The following MYCBP2 variants were observed in gnomAD, a reference collection of about 807,000 sequenced individuals.
The protein encoded by MYCBP2 is E3 ubiquitin-protein ligase MYCBP2.
MYCBP2 carries 120 observed loss-of-function variants against 525.3 expected under a neutral mutation model. That is an observed-to-expected ratio of 0.23 (90% CI 0.20 to 0.27). The LOEUF is 0.27. Among genes scored for constraint, MYCBP2 ranks in the 10% least tolerant of loss-of-function variants. The pLI, the probability that MYCBP2 is intolerant of heterozygous loss-of-function variation, is 1.00. For missense variants in MYCBP2, 4,149 were observed against 5,657.1 expected, an observed-to-expected ratio of 0.73 and a Z score of 8.55; for synonymous variants, 1,894 against 1,955.8, an observed-to-expected ratio of 0.97 and a Z score of 0.83.
In MYCBP2 at chr13:77,098,595, T is replaced by C. The variant is rs1285178278; in HGVS notation, c.8559A>G (p.Lys2853=). The change falls in exon 56 of 83, where the codon AAA becomes AAG. Residue 2853 remains lysine (K), a synonymous_variant. Coordinates refer to ENST00000544440, the MANE Select transcript of MYCBP2 (RefSeq NM_015057.5). The part of the protein sequence containing the change: ...SSPHDKNLPQ[K]STAPVKTKLD... ...GCTTTGTCTTAACAGGAGCAGTACT[T>C]TTTTGAGGTAGATTTTTATCATGTG... is the stretch of plus-strand genomic sequence containing the variant. 6.2e-7 allele frequency: 1 copy of C among 1,613,556 alleles called. No homozygotes were observed. Among genetic ancestry groups the C allele is most frequent in the Admixed American group, 1.7e-5 (1 of 59,928 alleles).
chr13:77,246,426 CCCAATA>C (rs1456409504), intron 15 of MYCBP2, among the ~76,000 whole-genome samples: 1 of 150,526 alleles, frequency 6.6e-6, no homozygotes, highest in African/African-American at 2.5e-5. Flanking sequence ...TCAGGATTAC[CCCAATA>C]CCAATGTCAG....
chr13:77,176,652 A>G lies in MYCBP2; in HGVS notation c.5341-24T>C, dbSNP rs1448049685. 3 of 1,484,060 alleles carry G rather than the reference A, an allele frequency of 2.0e-6. 1 individual carries two copies. The highest frequency in any genetic ancestry group is 3.6e-4 in the Middle Eastern group (2 of 5,502). 91.9% of individuals were successfully genotyped at this position (1,484,060 alleles called of 1,614,324 possible). Reference sequence around the variant, plus strand: ...CTCTAAAAAAAAAAAATGAAACACAAAAATTCCAACAGACTCTTAATTTTA... The same window carrying G: ...CTCTAAAAAAAAAAAATGAAACACAGAAATTCCAACAGACTCTTAATTTTA... On this transcript the variant is annotated intron_variant, in intron 35 of 82. Coordinates refer to ENST00000544440, the MANE Select transcript of MYCBP2 (RefSeq NM_015057.5).
intron 53 of MYCBP2, 37 bp downstream of exon 53, chr13:77,126,281 A>T (rs2051659743): frequency 6.5e-7 from 1 of 1,547,712 alleles, no homozygotes; most frequent in Non-Finnish European, 8.9e-7. Flanking sequence ...ATTAAAAATG[A>T]GTATCTTAGA....
At chr13:77,287,192 C>CTTT (rs71102733) in intron 3 of MYCBP2, among the ~76,000 whole-genome samples, 3 of 125,042 alleles carry the variant, frequency 2.4e-5, no homozygotes, top group South Asian at 2.5e-4. Flanking sequence ...CAGCCAGTTT[C>CTTT]TTTTTTTTTT....
chr13:77,248,184 A>C (rs1490497826), intron 15 of MYCBP2, among the ~76,000 whole-genome samples: 1 of 151,390 alleles, frequency 6.6e-6, no homozygotes, highest in Non-Finnish European at 1.5e-5. Flanking sequence ...GTAACCCTTC[A>C]CAACACTAGA....
chr13:77,184,718 T>C (rs944918183), intron 32 of MYCBP2, among the ~76,000 whole-genome samples: 4 of 152,212 alleles, frequency 2.6e-5, no homozygotes, highest in Non-Finnish European at 5.9e-5. Context: ...TCCTCATGAA[T>C]GAATGAACAA....
intron 3 of MYCBP2, among the ~76,000 whole-genome samples, chr13:77,284,335 C>T (rs2076514693): frequency 6.6e-6 from 1 of 151,832 alleles, no homozygotes; most frequent in Admixed American, 6.6e-5. Context: ...AGAAAAGGAG[C>T]AAACTAGGAT....
At chr13:77,224,803 G>GGTTCAGGTCAACTGTAAAAT (rs1193701982) in intron 19 of MYCBP2, among the ~76,000 whole-genome samples, 2 of 151,920 alleles carry the variant, frequency 1.3e-5, no homozygotes, top group African/African-American at 4.8e-5. Flanking sequence ...TTAACACACT[G>GGTTCAGGTCAACTGTAAAAT]GTTCAGGTCA....
intron 14 of MYCBP2, among the ~76,000 whole-genome samples, chr13:77,252,647 C>T (rs182115926): frequency 1.5e-3 from 230 of 152,262 alleles, no homozygotes; most frequent in African/African-American, 5.2e-3. Flanking sequence ...ATCCATTTAA[C>T]ATACAGCTAT....
intron 62 of MYCBP2, among the ~76,000 whole-genome samples, chr13:77,085,657 T>A (rs577724338): frequency 1.4e-4 from 21 of 152,324 alleles, no homozygotes; most frequent in Admixed American, 1.3e-3. Context: ...GCATATGAGT[T>A]TAGTGTTCGC....
At position 77,243,815 on chromosome 13, in the gene MYCBP2, G is replaced by C. The variant is rs1283678325; in HGVS notation, c.2518C>G (p.Leu840Val). Residue 840 changes from leucine to valine, a missense_variant, in exon 16 of 83, where the codon CTT (leucine) becomes GTT (valine). Physicochemically the swap from Leu to Val is conservative, Grantham distance 32 (BLOSUM62 1). Transcript: ENST00000544440. ...AATCAATCAAAATTACCTAAAAGAA[G>C]ATCTAAAGGTATCATTTCTTTCACT... is the stretch of plus-strand genomic sequence containing the variant. Reference protein sequence around the residue: ...DAVKEMIPLDLLLAVPVPGVN... With the variant: ...DAVKEMIPLDVLLAVPVPGVN... The C allele has an allele frequency of 1.2e-6, 2 of 1,613,244 alleles. No individual in the cohort carries two copies. Among genetic ancestry groups the C allele is most frequent in the South Asian group, 1.1e-5 (1 of 90,964 alleles).
chr13:77,096,298 A>G lies in MYCBP2; in HGVS notation c.9954+14T>C. The G allele has an allele frequency of 6.2e-7, 1 of 1,612,002 alleles. No homozygotes were observed. The highest frequency in any genetic ancestry group is 8.5e-7 in the Non-Finnish European group (1 of 1,178,704). ...CATATCATTAAAAGTATAGCTCCAA[A>G]TGGAATAAAATACCTTCTCCCTTGC... On this transcript the variant is annotated intron_variant, in intron 57 of 82. Coordinates refer to ENST00000544440, the MANE Select transcript of MYCBP2 (RefSeq NM_015057.5).
At position 77,044,846 on chromosome 13, in the gene MYCBP2, A is replaced by G. The variant is rs2035260309; in HGVS notation, c.*532T>C. 5.0e-6 allele frequency: 2 copies of G among 398,718 alleles called. No homozygotes were observed. The highest frequency in any genetic ancestry group is 8.8e-6 in the Non-Finnish European group (2 of 226,030). 24.7% of individuals were successfully genotyped at this position (398,718 alleles called of 1,614,324 possible). A position where few individuals can be genotyped will look rare whatever the true frequency, so the allele number is the denominator to read the frequency against. Reference sequence around the variant, plus strand: ...TAATTCTTATACAGGACAAACATTGATATGTTTATATACAGTGTGATACTT... The same window carrying G: ...TAATTCTTATACAGGACAAACATTGGTATGTTTATATACAGTGTGATACTT... On this transcript the variant is annotated 3_prime_UTR_variant, in exon 83 of 83. Coordinates refer to ENST00000544440, the MANE Select transcript of MYCBP2 (RefSeq NM_015057.5).
rs1359095336 is a variant in MYCBP2 at position 77,327,072 on chromosome 13, G to T, written c.-297C>A. 8 of 437,484 alleles carry T rather than the reference G, an allele frequency of 1.8e-5. No homozygotes were observed. The highest frequency in any genetic ancestry group is 3.6e-5 in the East Asian group (1 of 28,074). The allele number at this position is 437,484 out of a possible 1,614,324, so 27.1% of individuals were successfully genotyped here. ...CACCGCTACCACCGCCACCACCGCC[G>T]GGGCTACCCGCAATGGGAAGCTGCC... is the stretch of plus-strand genomic sequence containing the variant. On this transcript the variant is annotated 5_prime_UTR_variant, in exon 1 of 83. Transcript: ENST00000544440.
rs1310574059 is a variant in MYCBP2, at chr13:77,288,329, A to T, written c.426T>A (p.His142Gln). 6.2e-7 allele frequency: 1 copy of T among 1,614,160 alleles called. No individual in the cohort carries two copies. The highest frequency in any genetic ancestry group is 1.1e-5 in the South Asian group (1 of 91,090). Reference protein sequence around the residue: ...NTVIIPDIKLHSNPSAFNIYC... With the variant: ...NTVIIPDIKLQSNPSAFNIYC... ...AAATATTGAAAGCAGAAGGATTGCT[A>T]TGTAGTTTGATATCTGGTATGATTA... Residue 142 changes from histidine to glutamine, a missense_variant, in exon 3 of 83, where the codon CAT becomes CAA. His to Gln is a conservative substitution (Grantham distance 24, BLOSUM62 0). Transcript: ENST00000544440.
chr13:77,078,479 G>T (rs1439610311), intron 66 of MYCBP2, among the ~76,000 whole-genome samples: 1 of 152,198 alleles, frequency 6.6e-6, no homozygotes, highest in Non-Finnish European at 1.5e-5. Context: ...ACAATAACCT[G>T]TATTAACTCA....
chr13:77,197,044 A>G (rs2154264012), intron 26 of MYCBP2, among the ~76,000 whole-genome samples: 1 of 152,302 alleles, frequency 6.6e-6, no homozygotes, highest in African/African-American at 2.4e-5. Context: ...CGTGGGGGAC[A>G]AGAGAAGAAA....
At chr13:77,083,695 GA>G (rs1162573371) in intron 62 of MYCBP2, among the ~76,000 whole-genome samples, 3 of 152,038 alleles carry the variant, frequency 2.0e-5, no homozygotes, top group South Asian at 2.1e-4. Flanking sequence ...AGTAGGGGTT[GA>G]ATTTCATTTC....
Position 77,091,385 on chromosome 13 carries a change from C to T in MYCBP2, c.10368-1122G>A, listed in dbSNP as rs566360709. ...TTCTGTTTTCAGAGGAAGTTTTCTA[C>T]TAACTTAAAAAAAATTACACAAATT... On this transcript the variant is annotated intron_variant, in intron 59 of 82. Transcript: ENST00000544440. Among the ~76,000 whole-genome samples, 12 of 149,262 alleles carry T rather than the reference C, an allele frequency of 8.0e-5. No individual in the cohort carries two copies. In the South Asian group the frequency reaches 2.3e-3, roughly 29 times the overall value.
Sources: allele counts gnomAD v4.1 joint callset (sites outside exome capture counted in the v4.1 genomes callset), GRCh38; gene constraint gnomAD v4.1.1; transcripts MANE v1.5; gene names NCBI Gene and HGNC (gene_info 2026-07-23, HGNC 2026-07-21).